LLPH: variants seen among roughly 807,000 people sequenced by gnomAD.
LLPH encodes the protein protein LLP homolog.
LLPH carries 5 observed loss-of-function variants against 13.3 expected under a neutral mutation model. That is an observed-to-expected ratio of 0.38 (90% confidence interval 0.20 to 0.79). The LOEUF is 0.79. Among genes scored for constraint, LLPH ranks in the 30% least tolerant of loss-of-function variants. The pLI, the probability that LLPH is intolerant of heterozygous loss-of-function variation, is 0.45. For missense variants in LLPH, 129 were observed against 152.1 expected (o/e 0.85, Z 0.80); for synonymous variants, 32 against 44.2 (o/e 0.72, Z 1.09).
chr12:66,120,599 G>A lies in LLPH; in HGVS notation c.*3241C>T, dbSNP rs768941335. ...GACTTAATTTCTTAAAACACAAAAA[G>A]TGTTACATTCAATTCCTAATGTGAT... On this transcript the variant is annotated 3_prime_UTR_variant, in exon 3 of 3. Transcript: ENST00000266604. 6.6e-6 allele frequency: 1 copy of A among 152,146 alleles called. No homozygotes were observed. The highest frequency in any genetic ancestry group is 1.5e-5 in the Non-Finnish European group (1 of 68,020). 9.4% of individuals were successfully genotyped at this position (152,146 alleles called of 1,614,324 possible).
chr12:66,126,653 G>A (rs976022843), intron 2 of LLPH, among the ~76,000 whole-genome samples: 2 of 152,034 alleles, frequency 1.3e-5, no homozygotes, highest in Non-Finnish European at 2.9e-5. Flanking sequence ...ATGTTCAGCC[G>A]GGTGTGGTGG....
At position 66,117,513 on chromosome 12, in the gene LLPH, A is replaced by C. The variant is rs1322779331; in HGVS notation, c.*6327T>G. 1 of 152,256 alleles carries C rather than the reference A, an allele frequency of 6.6e-6. No homozygotes were observed. The highest frequency in any genetic ancestry group is 1.9e-4 in the East Asian group (1 of 5,204). 9.4% of individuals were successfully genotyped at this position (152,256 alleles called of 1,614,324 possible). ...AAACAAACCTACTGTGCTGTCAGTC[A>C]TATAAAGGTATAGCACATACAATTA... On this transcript the variant is annotated 3_prime_UTR_variant, in exon 3 of 3. Transcript: ENST00000266604.
chr12:66,129,239 C>A, intron 1 of LLPH, 126 bp from the exon 2 acceptor site: 1 of 656,894 alleles, frequency 1.5e-6, no homozygotes. Context: ...ACTCTTCAAT[C>A]TGTTCACTTT....
At chr12:66,125,434 G>C (rs2051490038) in intron 2 of LLPH, among the ~76,000 whole-genome samples, 1 of 150,470 alleles carries the variant, frequency 6.6e-6, no homozygotes, top group Non-Finnish European at 1.5e-5. Flanking sequence ...AGTTGAAAGA[G>C]TAGAAATAAG....
chr12:66,121,289 T>TC lies in LLPH; in HGVS notation c.*2550_*2551insG, dbSNP rs1176919933. The TC allele has an allele frequency of 1.3e-5, 2 of 151,674 alleles. No homozygotes were observed. The highest frequency in any genetic ancestry group is 2.9e-5 in the Non-Finnish European group (2 of 68,648). 9.4% of individuals were successfully genotyped at this position (151,674 alleles called of 1,614,324 possible). A position where few individuals can be genotyped will look rare whatever the true frequency, so the allele number is the denominator to read the frequency against. ...ATATCACGAATGTAGACTTTTTTTT[T>TC]TTTTTTTTTTGAGATGGAGTTTCGC... On this transcript the variant is annotated 3_prime_UTR_variant, in exon 3 of 3. Transcript: ENST00000266604.
Position 66,116,701 on chromosome 12 carries a change from G to T in LLPH, c.*7139C>A, listed in dbSNP as rs568834902. 1.3e-5 allele frequency: 2 copies of T among 152,310 alleles called. No homozygotes were observed. Among genetic ancestry groups the T allele is most frequent in the Non-Finnish European group, 2.9e-5 (2 of 68,010 alleles). The allele number at this position is 152,310 out of a possible 1,614,324, so 9.4% of individuals were successfully genotyped here. A position where few individuals can be genotyped will look rare whatever the true frequency, so the allele number is the denominator to read the frequency against. The stretch of plus-strand genomic sequence containing the variant: ...AAAGACACAATGTGAGAGTAAGAAA[G>T]TGTTTCATAAGATAGCATAATGCCA... On this transcript the variant is annotated 3_prime_UTR_variant, in exon 3 of 3. Transcript: ENST00000266604.
chr12:66,120,790 G>A lies in LLPH; in HGVS notation c.*3050C>T, dbSNP rs1298323088. ...AGGACTATGCTATACTTCTCGATTT[G>A]TAATCTTTAAAAATAAAGTGCCAAA... On this transcript the variant is annotated 3_prime_UTR_variant, in exon 3 of 3. Transcript: ENST00000266604. The A allele has an allele frequency of 6.6e-6, 1 of 152,166 alleles. No individual in the cohort carries two copies. Among genetic ancestry groups the A allele is most frequent in the African/African-American group, 2.4e-5 (1 of 41,432 alleles). 9.4% of individuals were successfully genotyped at this position (152,166 alleles called of 1,614,324 possible).
rs1291045704 is a variant in LLPH, at chr12:66,120,675, C to T, written c.*3165G>A. 1 of 152,166 alleles carries T rather than the reference C, an allele frequency of 6.6e-6. No homozygotes were observed. The highest frequency in any genetic ancestry group is 1.5e-5 in the Non-Finnish European group (1 of 68,034). 9.4% of individuals were successfully genotyped at this position (152,166 alleles called of 1,614,324 possible). ...ATGATTTGGTGCTTAGCTTGAGCTC[C>T]ATCTTGTGGCTTTACAGCAATTCTC... On this transcript the variant is annotated 3_prime_UTR_variant, in exon 3 of 3. Transcript: ENST00000266604.
chr12:66,128,402 A>C (rs1266254921), intron 2 of LLPH, among the ~76,000 whole-genome samples: 3 of 152,186 alleles, frequency 2.0e-5, no homozygotes, highest in Admixed American at 6.5e-5. Context: ...GTCAAAATGA[A>C]ATAGTGAAAC....
chr12:66,128,506 G>A (rs1019553100), intron 2 of LLPH, among the ~76,000 whole-genome samples: 1 of 152,060 alleles, frequency 6.6e-6, no homozygotes, highest in African/African-American at 2.4e-5. Flanking sequence ...ATGCTGCCTA[G>A]GCCCTGAGTG....
chr12:66,128,540 G>A (rs532353817), intron 2 of LLPH, among the ~76,000 whole-genome samples: 6 of 152,274 alleles, frequency 3.9e-5, no homozygotes, highest in South Asian at 2.1e-4. Flanking sequence ...TCCAACCAGA[G>A]TATGCCTAGA....
In LLPH at chr12:66,117,898, G is replaced by A. The variant is rs1436619110; in HGVS notation, c.*5942C>T. 6.6e-6 allele frequency: 1 copy of A among 152,308 alleles called. No homozygotes were observed. The highest frequency in any genetic ancestry group is 1.9e-4 in the East Asian group (1 of 5,190). The allele number at this position is 152,308 out of a possible 1,614,324, so 9.4% of individuals were successfully genotyped here. A position where few individuals can be genotyped will look rare whatever the true frequency, so the allele number is the denominator to read the frequency against. ...GCTTATAAAAATATAAAATATTTGT[G>A]TACAGTTGTACAATGTATTTGTGTT... On this transcript the variant is annotated 3_prime_UTR_variant, in exon 3 of 3. Transcript: ENST00000266604.
intron 2 of LLPH, among the ~76,000 whole-genome samples, chr12:66,124,601 C>T (rs1428483374): frequency 6.6e-6 from 1 of 152,264 alleles, no homozygotes; most frequent in South Asian, 2.1e-4. Context: ...TGCTGTGGTA[C>T]ACCTATCACC....
chr12:66,127,755 A>T (rs1239432246), intron 2 of LLPH, among the ~76,000 whole-genome samples: 1 of 152,256 alleles, frequency 6.6e-6, no homozygotes, highest in African/African-American at 2.4e-5. Context: ...AGTGTTTCAA[A>T]AAGTTTCAAG....
At position 66,121,242 on chromosome 12, in the gene LLPH, G is replaced by A. The variant is rs1472121919; in HGVS notation, c.*2598C>T. 1 of 148,490 alleles carries A rather than the reference G, an allele frequency of 6.7e-6. No homozygotes were observed. The highest frequency in any genetic ancestry group is 1.5e-5 in the Non-Finnish European group (1 of 67,442). 9.2% of individuals were successfully genotyped at this position (148,490 alleles called of 1,614,324 possible). A position where few individuals can be genotyped will look rare whatever the true frequency, so the allele number is the denominator to read the frequency against. ...CTCTACCTGACAATGCTGCCAAAAT[G>A]TAAATAAGTGCCAACTGTGTAATAT... On this transcript the variant is annotated 3_prime_UTR_variant, in exon 3 of 3. Transcript: ENST00000266604.
chr12:66,129,474 C>G (rs2051520480), intron 1 of LLPH, among the ~76,000 whole-genome samples: 2 of 151,996 alleles, frequency 1.3e-5, no homozygotes, highest in Admixed American at 6.6e-5. Context: ...CAACCTCCAC[C>G]TCTCAGGTTC....
intron 2 of LLPH, among the ~76,000 whole-genome samples, chr12:66,128,394 CA>C (rs1163930007): frequency 6.6e-6 from 1 of 152,034 alleles, no homozygotes; most frequent in Non-Finnish European, 1.5e-5. Context: ...TAGAATCTGT[CA>C]AAATGAAATA....
rs1335018922 is a variant in LLPH at position 66,123,133 on chromosome 12, TA to T, written c.*706del. ...CACACAAGTACTTTATAAGATCCAT[TA>T]TTTTTTTTTTTTTTGAGACAGAGTC... On this transcript the variant is annotated 3_prime_UTR_variant, in exon 3 of 3. Coordinates refer to ENST00000266604, the MANE Select transcript of LLPH (RefSeq NM_032338.4). The T allele has an allele frequency of 1.3e-4, 19 of 150,076 alleles. No individual in the cohort carries two copies. Among genetic ancestry groups the T allele is most frequent in the Admixed American group, 9.9e-4 (15 of 15,124 alleles). 9.3% of individuals were successfully genotyped at this position (150,076 alleles called of 1,614,324 possible).
At chr12:66,125,696 C>G (rs2051492151) in intron 2 of LLPH, among the ~76,000 whole-genome samples, 1 of 152,190 alleles carries the variant, frequency 6.6e-6, no homozygotes, top group Non-Finnish European at 1.5e-5. Flanking sequence ...TCCAAATCTT[C>G]TATACATCTA....
Sources: allele counts gnomAD v4.1 joint callset (sites outside exome capture counted in the v4.1 genomes callset), GRCh38; gene constraint gnomAD v4.1.1; transcripts MANE v1.5; gene names NCBI Gene and HGNC (gene_info 2026-07-23, HGNC 2026-07-21).